SORD: variants seen among roughly 807,000 people sequenced by gnomAD.
SORD encodes sorbitol dehydrogenase.
Under a neutral mutation model 35.6 loss-of-function variants are expected in SORD, and 18 were observed. The observed-to-expected ratio is 0.51, with a 90% CI of 0.35 to 0.75. The LOEUF (loss-of-function observed/expected upper bound fraction) is 0.75, where lower values mean the gene tolerates loss of function less well. SORD is among the 30% of genes least tolerant of loss of function. SORD has a pLI of 0.01. For synonymous variants in SORD, 106 were observed against 152.9 expected, an observed-to-expected ratio of 0.69 and a Z score of 2.26; for missense variants, 250 against 390.2, an observed-to-expected ratio of 0.64 and a Z score of 3.03.
intron 3 of SORD, among the ~76,000 whole-genome samples, chr15:45,058,873 C>CA (rs1438034865): frequency 7.2e-5 from 11 of 152,206 alleles, no homozygotes; most frequent in Admixed American, 7.2e-4. Context: ...TGTGCAGCTG[C>CA]AAGCATGTAT....
intron 3 of SORD, among the ~76,000 whole-genome samples, chr15:45,054,841 T>C (rs1292249744): frequency 6.6e-6 from 1 of 150,814 alleles, no homozygotes; most frequent in African/African-American, 2.4e-5. Flanking sequence ...AAGGAAGGGA[T>C]CCAGTTTCAG....
intron 2 of SORD, 109 bp downstream of exon 2, chr15:45,040,550 GC>G (rs1195309475): frequency 5.8e-6 from 5 of 861,064 alleles, no homozygotes; most frequent in Non-Finnish European, 9.6e-6. Flanking sequence ...TATTACTTTT[GC>G]ATCCATTAAA....
At position 45,023,296 on chromosome 15, in the gene SORD, G is replaced by A. The variant is rs1892618349; in HGVS notation, c.13G>A (p.Ala5Thr). 1 of 1,585,874 alleles carries A rather than the reference G, an allele frequency of 6.3e-7. No individual in the cohort carries two copies. The highest frequency in any genetic ancestry group is 2.4e-5 in the East Asian group (1 of 42,372). The stretch of plus-strand genomic sequence containing the variant: ...CCAAAAGAGCTCCATGGCGGCGGCG[G>A]CCAAGCCCAACAACCTTTCCCTGGT... MAAA[A>T]KPNNLSLVVH... The change falls in exon 1 of 9, where the codon GCC becomes ACC. Residue 5 changes from alanine to threonine, a missense_variant. Coordinates refer to ENST00000267814, the MANE Select transcript of SORD (RefSeq NM_003104.6).
chr15:45,026,889 T>C (rs1290334498), intron 1 of SORD, among the ~76,000 whole-genome samples: 2 of 152,216 alleles, frequency 1.3e-5, no homozygotes, highest in African/African-American at 4.8e-5. Flanking sequence ...CCACTTTACT[T>C]GTCCTTTAAC....
intron 1 of SORD, among the ~76,000 whole-genome samples, chr15:45,033,035 C>T (rs1200930269): frequency 7.2e-5 from 11 of 152,160 alleles, no homozygotes; most frequent in African/African-American, 2.4e-4. Context: ...TGCTAGCTGT[C>T]CCCCACCCGA....
At chr15:45,060,991 C>T in intron 3 of SORD, 76 bp from the exon 4 acceptor site, 1 of 1,592,228 alleles carries the variant, frequency 6.3e-7, no homozygotes. Flanking sequence ...GGTTGGAAAA[C>T]AAAGAACCAG....
At chr15:45,057,986 C>A (rs1310899992) in intron 3 of SORD, among the ~76,000 whole-genome samples, 1 of 152,136 alleles carries the variant, frequency 6.6e-6, no homozygotes, top group African/African-American at 2.4e-5. Flanking sequence ...TCTAGGAAAT[C>A]ACAAAAACAG....
Position 45,052,385 on chromosome 15 carries a change from T to C in SORD, c.266-8682T>C, listed in dbSNP as rs558744114. On this transcript the variant is annotated intron_variant, in intron 3 of 8. Transcript: ENST00000267814. ...CCTCTTGACTATTGAAGGTGGAATT[T>C]TGCTGTTTACAGATGGGGCATGGAG... Among the ~76,000 whole-genome samples, 6 of 152,290 alleles carry C rather than the reference T, an allele frequency of 3.9e-5. No homozygotes were observed. In the East Asian group the frequency reaches 1.2e-3, roughly 29 times the overall value.
chr15:45,024,867 G>A (rs1185062394), intron 1 of SORD, among the ~76,000 whole-genome samples: 1 of 152,200 alleles, frequency 6.6e-6, no homozygotes, highest in Non-Finnish European at 1.5e-5. Context: ...CTTTGATGGA[G>A]GCCTCAGAGA....
intron 3 of SORD, among the ~76,000 whole-genome samples, chr15:45,054,586 T>G (rs1203375555): frequency 4.6e-5 from 7 of 152,016 alleles, no homozygotes; most frequent in East Asian, 1.9e-4. Context: ...TTTCTCCCAT[T>G]TTGTAGGTTG....
chr15:45,049,208 T>G (rs143911291), intron 3 of SORD, among the ~76,000 whole-genome samples: 1 of 152,310 alleles, frequency 6.6e-6, no homozygotes, highest in East Asian at 1.9e-4. Flanking sequence ...CTGCCCTAAC[T>G]GTGTGCCTAA....
chr15:45,036,903 A>G (rs1399656024), intron 1 of SORD, among the ~76,000 whole-genome samples: 1 of 152,316 alleles, frequency 6.6e-6, no homozygotes, highest in Non-Finnish European at 1.5e-5. Flanking sequence ...AGACAGAAAA[A>G]GATTAAGCAA....
intron 3 of SORD, among the ~76,000 whole-genome samples, chr15:45,054,053 A>G (rs1441577265): frequency 1.3e-5 from 2 of 149,414 alleles, no homozygotes; most frequent in Admixed American, 1.3e-4. Context: ...ATTGTTGGAC[A>G]TTTGGGTTGG....
chr15:45,045,950 A>G (rs561168062), intron 3 of SORD, among the ~76,000 whole-genome samples: 6 of 152,260 alleles, frequency 3.9e-5, no homozygotes, highest in African/African-American at 1.2e-4. Context: ...GCAGTGAGCC[A>G]TGATTGCACC....
intron 4 of SORD, among the ~76,000 whole-genome samples, chr15:45,061,824 G>C (rs1300925164): frequency 2.6e-5 from 4 of 151,956 alleles, no homozygotes; most frequent in Admixed American, 6.6e-5. Context: ...AGCCGAGATG[G>C]CGCCACTGCA....
At chr15:45,056,987 C>T (rs538037752) in intron 3 of SORD, among the ~76,000 whole-genome samples, 7 of 152,286 alleles carry the variant, frequency 4.6e-5, no homozygotes, top group Admixed American at 6.5e-5. Context: ...AATCTCAATG[C>T]GCACACCTTT....
chr15:45,038,148 C>A (rs866742507), intron 1 of SORD, among the ~76,000 whole-genome samples: 6 of 135,568 alleles, frequency 4.4e-5, no homozygotes, highest in African/African-American at 2.0e-4. Context: ...TCCTTCCTTC[C>A]TTCCTTCCTT....
In SORD at chr15:45,053,666, T is replaced by C. The variant is rs1200244218; in HGVS notation, c.266-7401T>C. Among the ~76,000 whole-genome samples, 4 of 151,966 alleles carry C rather than the reference T, an allele frequency of 2.6e-5. No individual in the cohort carries two copies. In the South Asian group the frequency reaches 6.2e-4, roughly 24 times the overall value. ...ATTTTATTTTATTATTATTATACTT[T>C]AAGTTTTAGGGTACATGTGCACAAT... On this transcript the variant is annotated intron_variant, in intron 3 of 8. Transcript: ENST00000267814.
chr15:45,023,343 GC>G lies in SORD; in HGVS notation c.61del (p.Arg21AlafsTer17), dbSNP rs1479662792. 6.3e-7 allele frequency: 1 copy of G among 1,577,394 alleles called. No individual in the cohort carries two copies. The highest frequency in any genetic ancestry group is 8.6e-7 in the Non-Finnish European group (1 of 1,162,938). On this transcript the variant is annotated frameshift_variant, in exon 1 of 9. Coordinates refer to ENST00000267814, the MANE Select transcript of SORD (RefSeq NM_003104.6). LOFTEE classifies it high-confidence loss of function. The part of the protein sequence containing the change: ...SLVVHGPGDL[R>X]LENYPIPEPG... ...TGGTGGTGCACGGACCGGGGGACTTGCGCCTGGTAAGCTGGGAAGGAGGGTG... is the reference window on the plus strand; with the variant it reads ...TGGTGGTGCACGGACCGGGGGACTTGGCCTGGTAAGCTGGGAAGGAGGGTG...
Sources: gnomAD v4.1 joint callset for allele counts (sites outside exome capture counted in the v4.1 genomes callset) on GRCh38, gnomAD v4.1.1 for gene constraint, MANE v1.5 for transcripts, NCBI Gene and HGNC (gene_info 2026-07-23, HGNC 2026-07-21) for gene names.